Variants in FSTL4 observed in about 807,000 individuals in gnomAD.
FSTL4 encodes the protein follistatin like 4, also known as follistatin-related protein 4.
A neutral mutation model predicts 78.2 loss-of-function variants in FSTL4; 28 were observed. That is an observed-to-expected ratio of 0.36 (90% confidence interval 0.27 to 0.49). The LOEUF (loss-of-function observed/expected upper bound fraction) is 0.49, where lower values mean the gene tolerates loss of function less well. FSTL4 is among the 20% of genes least tolerant of loss of function. FSTL4 has a pLI of 0.98. For missense variants in FSTL4, 922 were observed against 1,084.9 expected, an observed-to-expected ratio of 0.85 and a Z score of 2.11; for synonymous variants, 422 against 440.5, an observed-to-expected ratio of 0.96 and a Z score of 0.53.
the FSTL4 span, among the ~76,000 whole-genome samples, chr5:133,817,738 T>G: frequency 6.6e-6 from 1 of 152,016 alleles, no homozygotes; most frequent in Admixed American, 6.6e-5. Flanking sequence ...GCCCAGAAAA[T>G]GCAGTCTGTG....
upstream of FSTL4, among the ~76,000 whole-genome samples, chr5:133,613,190 CCT>C (rs1761140741): frequency 6.6e-6 from 1 of 152,224 alleles, no homozygotes; most frequent in African/African-American, 2.4e-5. Flanking sequence ...TTTCTGAATC[CCT>C]CTTTAACATC....
the FSTL4 span, among the ~76,000 whole-genome samples, chr5:133,787,710 C>G: frequency 6.6e-6 from 1 of 152,202 alleles, no homozygotes; most frequent in African/African-American, 2.4e-5. Context: ...AGGGGCCCAC[C>G]TGCTATCCCA....
intron 2 of FSTL4, among the ~76,000 whole-genome samples, chr5:133,602,508 C>T (rs999319830): frequency 3.3e-5 from 5 of 152,134 alleles, no homozygotes; most frequent in African/African-American, 1.2e-4. Flanking sequence ...CTAAGCTTAC[C>T]TGTGTGTTTG....
At chr5:133,374,983 A>G (rs898120531) in intron 4 of FSTL4, among the ~76,000 whole-genome samples, 2 of 152,270 alleles carry the variant, frequency 1.3e-5, no homozygotes, top group Middle Eastern at 3.4e-3. Flanking sequence ...CAGATCAGAC[A>G]GAAATCTTGG....
In FSTL4 at chr5:133,611,877, G is replaced by A. The variant is rs1761102460; in HGVS notation, c.-11+448C>T. Among the ~76,000 whole-genome samples, 1 of 152,104 alleles carries A rather than the reference G, an allele frequency of 6.6e-6. No individual in the cohort carries two copies. The highest frequency in any genetic ancestry group is 1.5e-5 in the Non-Finnish European group (1 of 67,972). On this transcript the variant is annotated intron_variant, in intron 1 of 15. Coordinates refer to ENST00000265342, the MANE Select transcript of FSTL4 (RefSeq NM_015082.2). The surrounding 1 kb of genome is among the most constrained non-coding windows in gnomAD (Gnocchi z 4.9). ...GCCCCAACCCGGAGCCAAGGGCACCGGGCCCGGGCCGAGGGGCCGCGCTCG... is the reference window on the plus strand; with the variant it reads ...GCCCCAACCCGGAGCCAAGGGCACCAGGCCCGGGCCGAGGGGCCGCGCTCG...
At chr5:133,591,687 A>G (rs371771075) in intron 2 of FSTL4, among the ~76,000 whole-genome samples, 7 of 152,036 alleles carry the variant, frequency 4.6e-5, no homozygotes, top group Admixed American at 4.6e-4. Context: ...AACTCAAATG[A>G]GACAGTCTGG....
chr5:133,764,792 G>A, the FSTL4 span, among the ~76,000 whole-genome samples: 182 of 152,284 alleles, frequency 1.2e-3, no homozygotes, highest in African/African-American at 4.3e-3. Context: ...CATTCGATCC[G>A]AATCTTCAGA....
chr5:133,598,898 G>A (rs560618338), intron 2 of FSTL4, among the ~76,000 whole-genome samples: 1 of 152,312 alleles, frequency 6.6e-6, no homozygotes, highest in South Asian at 2.1e-4. Flanking sequence ...AAGAAAATGC[G>A]AACGTCCAGC....
intron 13 of FSTL4, among the ~76,000 whole-genome samples, chr5:133,211,913 T>A (rs1458050777): frequency 6.6e-6 from 1 of 152,150 alleles, no homozygotes; most frequent in Admixed American, 6.5e-5. Flanking sequence ...CTGAAATATA[T>A]CTCTTCTCCA....
the FSTL4 span, among the ~76,000 whole-genome samples, chr5:133,814,279 C>T: frequency 6.6e-6 from 1 of 152,188 alleles, no homozygotes; most frequent in African/African-American, 2.4e-5. Flanking sequence ...GATGTGCATC[C>T]TCCGGTTGGA....
the FSTL4 span, among the ~76,000 whole-genome samples, chr5:133,737,978 G>A: frequency 1.3e-5 from 2 of 152,120 alleles, no homozygotes; most frequent in Non-Finnish European, 2.9e-5. Context: ...AGGGGCTGAG[G>A]ACACCCTTGA....
At chr5:133,300,714 AC>A (rs1753515750) in intron 6 of FSTL4, among the ~76,000 whole-genome samples, 5 of 152,174 alleles carry the variant, frequency 3.3e-5, no homozygotes, top group Admixed American at 3.3e-4. Flanking sequence ...GCACCATGGC[AC>A]AGAGGTAGAC....
At chr5:133,220,917 G>C in intron 11 of FSTL4, 51 bp from the exon 12 acceptor site, 1 of 1,055,830 alleles carries the variant, frequency 9.5e-7, no homozygotes. Flanking sequence ...CGGCCCCTGG[G>C]CAGGGTCACA....
chr5:133,841,813 G>A, the FSTL4 span, among the ~76,000 whole-genome samples: 8 of 152,300 alleles, frequency 5.3e-5, no homozygotes, highest in East Asian at 3.9e-4. Flanking sequence ...TCTTCTCCTC[G>A]CAGGGTCTGC....
In FSTL4 at chr5:133,419,049, G is replaced by A. The variant is rs78176031; in HGVS notation, c.161-18063C>T. Among the ~76,000 whole-genome samples the A allele has an allele frequency of 2.9e-3, 449 of 152,284 alleles. 5 individuals carry two copies. The East Asian group carries it at 0.031, about 10-fold the overall frequency. On this transcript the variant is annotated intron_variant, in intron 3 of 15. Coordinates refer to ENST00000265342, the MANE Select transcript of FSTL4 (RefSeq NM_015082.2). ...ACTCAGCATAATTATTTTGAGATTC[G>A]TTCATGTTATAGAATACATCGATAG... is the stretch of plus-strand genomic sequence containing the variant.
At chr5:133,262,486 G>A (rs955740915) in intron 6 of FSTL4, among the ~76,000 whole-genome samples, 6 of 152,110 alleles carry the variant, frequency 3.9e-5, no homozygotes, top group African/African-American at 1.4e-4. Flanking sequence ...ATACCCATGC[G>A]CCAGGACCAC....
At chr5:133,769,142 A>G in the FSTL4 span, among the ~76,000 whole-genome samples, 1 of 152,272 alleles carries the variant, frequency 6.6e-6, no homozygotes, top group Non-Finnish European at 1.5e-5. Context: ...TGATTCGCCC[A>G]GGTACACATC....
chr5:133,337,153 C>T (rs73788060), intron 4 of FSTL4, among the ~76,000 whole-genome samples: 18,248 of 152,264 alleles, frequency 0.12, 1,300 homozygotes, highest in African/African-American at 0.2. Context: ...CCCCAACCTG[C>T]CCTTGCACCA....
At chr5:133,577,244 G>C (rs1470634049) in intron 2 of FSTL4, among the ~76,000 whole-genome samples, 1 of 152,198 alleles carries the variant, frequency 6.6e-6, no homozygotes, top group Non-Finnish European at 1.5e-5. Context: ...AGGATATTCT[G>C]GGGGAGGGTC....
Sources: allele counts gnomAD v4.1 joint callset (sites outside exome capture counted in the v4.1 genomes callset), GRCh38; gene constraint gnomAD v4.1.1; non-coding constraint Gnocchi (gnomAD v3.1); transcripts MANE v1.5; gene names NCBI Gene and HGNC (gene_info 2026-07-23, HGNC 2026-07-21).